Variants in NKAIN2 observed in about 807,000 individuals in gnomAD.
The protein encoded by NKAIN2 is sodium/potassium-transporting ATPase subunit beta-1-interacting protein 2.
In NKAIN2, 14 loss-of-function variants were observed where a neutral mutation model predicts 32.6. The ratio of observed to expected loss-of-function variants is 0.43; its 90% CI spans 0.28 to 0.67. NKAIN2 has a LOEUF of 0.67. NKAIN2 is among the 30% of genes least tolerant of loss of function. The pLI is 0.17. For missense variants in NKAIN2, 198 were observed against 258.3 expected (o/e 0.77, Z 1.60); for synonymous variants, 80 against 87.2 (o/e 0.92, Z 0.46).
chr6:124,445,934 T>C (rs971725775), intron 3 of NKAIN2, among the ~76,000 whole-genome samples: 3 of 152,142 alleles, frequency 2.0e-5, no homozygotes, highest in Admixed American at 6.6e-5. Context: ...ATATTTGTTT[T>C]GTAAAGTTCA....
Position 124,658,241 on chromosome 6 carries a change from A to C in NKAIN2, c.329A>C (p.Glu110Ala), listed in dbSNP as rs767769766. ...TCAATGCACCGATCTTGGTGGATGGAGAATGGACCAGGATGTACGGTGACG... is the reference window on the plus strand; with the variant it reads ...TCAATGCACCGATCTTGGTGGATGGCGAATGGACCAGGATGTACGGTGACG... ...NISMHRSWWMENGPGCTVTSV... is the reference protein window; with the variant it reads ...NISMHRSWWMANGPGCTVTSV... Residue 110 changes from glutamate (E) to alanine (A), a missense_variant, in exon 4 of 7, where the codon GAG becomes GCG. By Grantham distance (107) the Glu-to-Ala change is moderately radical. Transcript: ENST00000368417. The C allele has an allele frequency of 1.9e-5, 31 of 1,613,810 alleles. No homozygotes were observed. Among genetic ancestry groups the C allele is most frequent in the Non-Finnish European group, 2.5e-5 (30 of 1,179,902 alleles).
intron 3 of NKAIN2, among the ~76,000 whole-genome samples, chr6:124,449,659 TACAC>T (rs1207253773): frequency 6.6e-6 from 1 of 151,638 alleles, no homozygotes; most frequent in Non-Finnish European, 1.5e-5. Context: ...TACACACACA[TACAC>T]ACACACACAT....
chr6:124,585,004 A>G (rs1179245317), intron 3 of NKAIN2, among the ~76,000 whole-genome samples: 1 of 152,158 alleles, frequency 6.6e-6, no homozygotes, highest in Non-Finnish European at 1.5e-5. Flanking sequence ...AGATATCTGC[A>G]CTCCCATGTT....
At chr6:124,129,211 T>C (rs191630499) in intron 1 of NKAIN2, among the ~76,000 whole-genome samples, 399 of 152,272 alleles carry the variant, frequency 2.6e-3, no homozygotes, top group Non-Finnish European at 4.3e-3. Context: ...AATTATCTTT[T>C]TGTCAAGAGT....
chr6:124,584,478 C>A (rs76018886), intron 3 of NKAIN2, among the ~76,000 whole-genome samples: 16 of 151,884 alleles, frequency 1.1e-4, no homozygotes, highest in African/African-American at 2.9e-4. Flanking sequence ...ATTGTGGAAC[C>A]CCATCTCTAC....
At chr6:124,766,941 C>A (rs1778538977) in intron 4 of NKAIN2, among the ~76,000 whole-genome samples, 1 of 152,108 alleles carries the variant, frequency 6.6e-6, no homozygotes, top group African/African-American at 2.4e-5. Flanking sequence ...GTTTCCCAGG[C>A]CGGAGTGCAG....
At chr6:124,028,602 C>T (rs993417449) in intron 1 of NKAIN2, among the ~76,000 whole-genome samples, 3 of 150,692 alleles carry the variant, frequency 2.0e-5, no homozygotes, top group East Asian at 3.9e-4. Context: ...GGCAATATAA[C>T]GAAATGTAAT....
intron 1 of NKAIN2, among the ~76,000 whole-genome samples, chr6:124,172,058 C>G (rs1387487733): frequency 6.8e-6 from 1 of 147,794 alleles, no homozygotes; most frequent in South Asian, 2.2e-4. Flanking sequence ...GTGATCCGTC[C>G]GCCTCGGCCT....
chr6:124,781,956 T>C (rs1364466232), intron 4 of NKAIN2, among the ~76,000 whole-genome samples: 1 of 152,152 alleles, frequency 6.6e-6, no homozygotes, highest in Non-Finnish European at 1.5e-5. Context: ...GGGTTCTTTT[T>C]CTTTTCCTAC....
chr6:124,715,202 T>G (rs1775694142), intron 4 of NKAIN2, among the ~76,000 whole-genome samples: 1 of 152,204 alleles, frequency 6.6e-6, no homozygotes, highest in Non-Finnish European at 1.5e-5. Flanking sequence ...TTGTAGCTGC[T>G]AAGAATGAAA....
At chr6:123,851,227 G>T (rs940259505) in intron 1 of NKAIN2, among the ~76,000 whole-genome samples, 9 of 147,928 alleles carry the variant, frequency 6.1e-5, no homozygotes, top group African/African-American at 2.3e-4. Context: ...GGGATTGCTG[G>T]ATCATATGGT....
At chr6:124,111,427 G>A (rs1268917514) in intron 1 of NKAIN2, among the ~76,000 whole-genome samples, 1 of 151,896 alleles carries the variant, frequency 6.6e-6, no homozygotes, top group South Asian at 2.1e-4. Flanking sequence ...CTATCTTCTT[G>A]ACGCATTGAC....
chr6:124,257,703 G>A (rs538079669), intron 1 of NKAIN2, among the ~76,000 whole-genome samples: 1 of 151,716 alleles, frequency 6.6e-6, no homozygotes, highest in East Asian at 1.9e-4. Flanking sequence ...CCTAGCAAAT[G>A]CTTATAAAGC....
At chr6:124,138,898 A>G (rs920294872) in intron 1 of NKAIN2, among the ~76,000 whole-genome samples, 34 of 150,838 alleles carry the variant, frequency 2.3e-4, no homozygotes, top group African/African-American at 7.8e-4. Flanking sequence ...CATAAGAATG[A>G]TATAATGGAC....
At chr6:124,246,883 A>G in intron 1 of NKAIN2, among the ~76,000 whole-genome samples, 1 of 152,102 alleles carries the variant, frequency 6.6e-6, no homozygotes, top group East Asian at 1.9e-4. Flanking sequence ...TTATGGTTTT[A>G]TAGGTTGGAG....
At chr6:124,348,422 G>A (rs990400340) in intron 2 of NKAIN2, among the ~76,000 whole-genome samples, 1 of 152,238 alleles carries the variant, frequency 6.6e-6, no homozygotes, top group Non-Finnish European at 1.5e-5. Flanking sequence ...GTTTGTCTGT[G>A]TCCTGCCCCC....
intron 1 of NKAIN2, among the ~76,000 whole-genome samples, chr6:124,213,549 G>T (rs1035512041): frequency 1.3e-5 from 2 of 152,010 alleles, no homozygotes; most frequent in African/African-American, 2.4e-5. Flanking sequence ...GAAGAGTTTA[G>T]ATAAGTTATA....
intron 4 of NKAIN2, among the ~76,000 whole-genome samples, chr6:124,726,817 T>C (rs1776345800): frequency 7.4e-6 from 1 of 134,808 alleles, no homozygotes; most frequent in African/African-American, 2.8e-5. Flanking sequence ...GAAAAAAATT[T>C]AGAAGAATGT....
chr6:124,346,196 A>G (rs1583090285), intron 2 of NKAIN2, among the ~76,000 whole-genome samples: 2 of 152,192 alleles, frequency 1.3e-5, no homozygotes, highest in African/African-American at 4.8e-5. Flanking sequence ...GTGGTTTGAG[A>G]GACAGTTTTT....
Sources: gnomAD v4.1 joint callset for allele counts (sites outside exome capture counted in the v4.1 genomes callset) on GRCh38, gnomAD v4.1.1 for gene constraint, MANE v1.5 for transcripts, NCBI Gene and HGNC (gene_info 2026-07-23, HGNC 2026-07-21) for gene names.